OR11A1: variants seen among roughly 807,000 people sequenced by gnomAD.
OR11A1 encodes the protein olfactory receptor family 11 subfamily A member 1.
For synonymous variants in OR11A1, 158 were observed against 152.2 expected (o/e 1.04, Z -0.28); for missense variants, 380 against 378.2 (o/e 1.00, Z -0.04).
At position 29,426,733 on chromosome 6, in the gene OR11A1, C is replaced by T; in HGVS notation, c.909G>A (p.Arg303=). ...CAGTTTGTTTGATACAGAGAATCTT[C>T]CGAAGTGCCTGATGCACCTCCTTGT... ...MRNKEVHQAL[R]KILCIKQTET... The change falls in exon 5 of 5, where the codon CGG becomes CGA. Residue 303 remains arginine, a synonymous_variant. Transcript: ENST00000377149. 1 of 1,612,374 alleles carries T rather than the reference C, an allele frequency of 6.2e-7. No individual in the cohort carries two copies. The highest frequency in any genetic ancestry group is 8.5e-7 in the Non-Finnish European group (1 of 1,179,716).
chr6:29,440,733 T>A lies in OR11A1; in HGVS notation c.-388-8746A>T, dbSNP rs1409237225. ...GGGCCGCCGCAAGGCCTTCTCCACC[T>A]GCTCCTCCCACCTGATCATGGTCTC... On this transcript the variant is annotated intron_variant, in intron 1 of 4. Coordinates refer to ENST00000377149, the MANE Select transcript of OR11A1 (RefSeq NM_001394828.1). 1.2e-6 allele frequency: 2 copies of A among 1,613,960 alleles called. No individual in the cohort carries two copies. Among genetic ancestry groups the A allele is most frequent in the Admixed American group, 1.7e-5 (1 of 60,028 alleles).
At chr6:29,427,821 G>T in intron 4 of OR11A1, 89 bp from the exon 5 acceptor site, 1 of 971,654 alleles carries the variant, frequency 1.0e-6, no homozygotes, top group Non-Finnish European at 1.5e-6. Context: ...CTTCTTAGTT[G>T]TCATTCCTTC....
In OR11A1 at chr6:29,454,358, GA is replaced by G. The variant is rs34309742; in HGVS notation, c.-389+2628del. 8.4e-3 allele frequency among the ~76,000 whole-genome samples: 1,267 copies of G among 151,422 alleles called. 19 individuals carry two copies. The highest frequency in any genetic ancestry group is 0.027 in the African/African-American group (1,137 of 41,404). ...CATCCAATCAGCTGGGGCCCAGATG[GA>G]AAAAAAAGGCATGAAAGGATGCTCT... On this transcript the variant is annotated intron_variant, in intron 1 of 4. Coordinates refer to ENST00000377149, the MANE Select transcript of OR11A1 (RefSeq NM_001394828.1).
At chr6:29,440,371 A>T (rs1287008027) in intron 1 of OR11A1, 2 of 1,613,928 alleles carry the variant, frequency 1.2e-6, no homozygotes, top group South Asian at 1.1e-5. Context: ...GCCATGGCCT[A>T]TGACCGCTAT....
At chr6:29,448,010 C>CTTTTTTTTTTTT (rs9280602) in intron 1 of OR11A1, among the ~76,000 whole-genome samples, 2 of 79,934 alleles carry the variant, frequency 2.5e-5, no homozygotes, top group African/African-American at 4.6e-5. Context: ...ATGACCCTTT[C>CTTTTTTTTTTTT]TTTTTTTTTT....
At chr6:29,452,832 C>T (rs1048803474) in intron 1 of OR11A1, among the ~76,000 whole-genome samples, 3 of 151,750 alleles carry the variant, frequency 2.0e-5, no homozygotes, top group Non-Finnish European at 2.9e-5. Context: ...TGAGAAGGAA[C>T]GAAAAACTTT....
At position 29,425,598 on chromosome 6, in the gene OR11A1, G is replaced by T. The variant is rs1782741884; in HGVS notation, c.*1096C>A. The T allele has an allele frequency of 1.3e-5, 2 of 152,188 alleles. No individual in the cohort carries two copies. Among genetic ancestry groups the T allele is most frequent in the South Asian group, 4.1e-4 (2 of 4,822 alleles). The allele number at this position is 152,188 out of a possible 1,614,324, so 9.4% of individuals were successfully genotyped here. Reference sequence around the variant, plus strand: ...CATACATAACTTACACAACATAATAGTTATACAACATCTGGAATTTGCCCT... The same window carrying T: ...CATACATAACTTACACAACATAATATTTATACAACATCTGGAATTTGCCCT... On this transcript the variant is annotated 3_prime_UTR_variant, in exon 5 of 5. Transcript: ENST00000377149.
At chr6:29,428,256 C>T in intron 4 of OR11A1, 1 of 985,388 alleles carries the variant, frequency 1.0e-6, no homozygotes. Flanking sequence ...TCACTTATTG[C>T]CTTCCTTAAA....
chr6:29,456,561 C>T (rs1465331134), intron 1 of OR11A1, among the ~76,000 whole-genome samples: 1 of 151,968 alleles, frequency 6.6e-6, no homozygotes, highest in Non-Finnish European at 1.5e-5. Flanking sequence ...TGAGATATCA[C>T]CTGATATCCA....
At chr6:29,438,020 G>T (rs1783772767) in intron 1 of OR11A1, among the ~76,000 whole-genome samples, 1 of 152,156 alleles carries the variant, frequency 6.6e-6, no homozygotes, top group Non-Finnish European at 1.5e-5. Flanking sequence ...TAAATGAAAT[G>T]ATAAAATATA....
In OR11A1 at chr6:29,426,700, A is replaced by C; in HGVS notation, c.942T>G (p.Leu314=). The C allele has an allele frequency of 3.7e-6, 6 of 1,606,842 alleles. No individual in the cohort carries two copies. The highest frequency in any genetic ancestry group is 5.1e-6 in the Non-Finnish European group (6 of 1,176,258). Residue 314 remains leucine, a synonymous_variant, in exon 5 of 5, where the codon CTT becomes CTG. Transcript: ENST00000377149. ...KILCIKQTET[L]D ...ACATCTTCATTACTCTCCTTCAATC[A>C]AGTGTTTCAGTTTGTTTGATACAGA...
intron 1 of OR11A1, among the ~76,000 whole-genome samples, chr6:29,444,210 GCT>G (rs2151386810): frequency 6.6e-6 from 1 of 152,216 alleles, no homozygotes; most frequent in East Asian, 1.9e-4. Flanking sequence ...CCCTACACAA[GCT>G]CTCATTTTTC....
chr6:29,427,509 T>C lies in OR11A1; in HGVS notation c.133A>G (p.Met45Val). The C allele has an allele frequency of 2.5e-6, 4 of 1,613,082 alleles. No homozygotes were observed. Among genetic ancestry groups the C allele is most frequent in the East Asian group, 2.2e-5 (1 of 44,886 alleles). The change falls in exon 5 of 5, where the codon ATG becomes GTG. Residue 45 changes from methionine to valine, a missense_variant. Physicochemically the swap from Met to Val is conservative, Grantham distance 21. Coordinates refer to ENST00000377149, the MANE Select transcript of OR11A1 (RefSeq NM_001394828.1). ...CTAACCACTGCTACAATAATCAGCA[T>C]ATTCCCTATGATGATGAAGACATAG... ...AVYVFIIIGN[M>V]LIIVAVVSSQ...
intron 1 of OR11A1, chr6:29,440,492 C>G: frequency 6.2e-7 from 1 of 1,613,752 alleles, no homozygotes; most frequent in African/African-American, 1.3e-5. Context: ...TGGGCCACAC[C>G]CCTTTCATCT....
chr6:29,429,315 G>A (rs1039200828), intron 3 of OR11A1, among the ~76,000 whole-genome samples: 1 of 152,024 alleles, frequency 6.6e-6, no homozygotes, highest in African/African-American at 2.4e-5. Flanking sequence ...TTAAATCCTC[G>A]AAGACCCAGC....
chr6:29,454,302 G>A (rs938410710), intron 1 of OR11A1, among the ~76,000 whole-genome samples: 2 of 152,082 alleles, frequency 1.3e-5, no homozygotes, highest in African/African-American at 4.8e-5. Flanking sequence ...TCATTGGGTA[G>A]GGAAGATCCA....
chr6:29,440,243 G>C (rs943958508), intron 1 of OR11A1: 4 of 1,613,914 alleles, frequency 2.5e-6, no homozygotes, highest in Middle Eastern at 1.6e-4. Context: ...CGTCTGTCAC[G>C]GTCCCCCTGC....
At position 29,455,669 on chromosome 6, in the gene OR11A1, A is replaced by G. The variant is rs572743097; in HGVS notation, c.-389+1318T>C. 2.6e-4 allele frequency among the ~76,000 whole-genome samples: 39 copies of G among 152,128 alleles called. 1 individual carries two copies. The highest frequency in any genetic ancestry group is 1.3e-4 in the Admixed American group (2 of 15,278). ...GGCGGGTGGATTGCCTGAGCTCAGGAGTTCGAGACCAGCCTGGGCAACATG... is the reference window on the plus strand; with the variant it reads ...GGCGGGTGGATTGCCTGAGCTCAGGGGTTCGAGACCAGCCTGGGCAACATG... On this transcript the variant is annotated intron_variant, in intron 1 of 4. Transcript: ENST00000377149.
intron 1 of OR11A1, among the ~76,000 whole-genome samples, chr6:29,454,613 C>T (rs369873617): frequency 1.5e-4 from 23 of 152,170 alleles, no homozygotes; most frequent in African/African-American, 4.6e-4. Context: ...CAGGTAATAT[C>T]CAAGACAATT....
Sources: allele counts gnomAD v4.1 joint callset (sites outside exome capture counted in the v4.1 genomes callset), GRCh38; gene constraint gnomAD v4.1.1; transcripts MANE v1.5; gene names NCBI Gene and HGNC (gene_info 2026-07-23, HGNC 2026-07-21).